The following PIEZO1 variants were observed in gnomAD, a reference collection of about 807,000 sequenced individuals.
The protein encoded by PIEZO1 is piezo type mechanosensitive ion channel component 1 (Er blood group).
PIEZO1 carries 296 observed loss-of-function variants against 297.2 expected under a neutral mutation model. The ratio of observed to expected loss-of-function variants is 1.00; its 90% CI spans 0.91 to 1.10. The LOEUF (loss-of-function observed/expected upper bound fraction) is 1.10, where lower values mean the gene tolerates loss of function less well. Among genes scored for constraint, PIEZO1 ranks in the 50% least tolerant of loss-of-function variants. The pLI, the probability that PIEZO1 is intolerant of heterozygous loss-of-function variation, is 0.00. For synonymous variants in PIEZO1, 2,427 were observed against 1,507.5 expected (o/e 1.61, Z -14.13); for missense variants, 5,018 against 3,455.5 (o/e 1.45, Z -11.34).
chr16:88,723,290 C>T lies in PIEZO1; in HGVS notation c.4374G>A (p.Val1458=), dbSNP rs922632863. The change falls in exon 32 of 51, where the codon GTG becomes GTA. Residue 1458 remains valine (V), a synonymous_variant. Transcript: ENST00000301015. ...CCTGCTCCTGCTGCCGCCGCCTCAGCACCGCCTGGGCGTTGGTCACCCATG... is the reference window on the plus strand; with the variant it reads ...CCTGCTCCTGCTGCCGCCGCCTCAGTACCGCCTGGGCGTTGGTCACCCATG... ...YQAWVTNAQA[V]LRRRQQEQEQ... is the part of the protein sequence containing the mutation. 10 of 1,540,704 alleles carry T rather than the reference C, an allele frequency of 6.5e-6. No homozygotes were observed. The Middle Eastern group carries it at 5.0e-4, about 77-fold the overall frequency.
chr16:88,738,434 G>C lies in PIEZO1; in HGVS notation c.641C>G (p.Ala214Gly). The C allele has an allele frequency of 6.5e-7, 1 of 1,535,680 alleles. No individual in the cohort carries two copies. The highest frequency in any genetic ancestry group is 2.4e-5 in the East Asian group (1 of 40,922). ...AVTLLALAGI[A>G]HPSALSSVYL... The stretch of plus-strand genomic sequence containing the variant: ...GACACTGGAGAGGGCCGAGGGGTGG[G>C]CGATGCCTGCGGGGCAGGGGCACAC... The change falls in exon 7 of 51, where the codon GCC becomes GGC. Residue 214 changes from alanine to glycine, a missense_variant. Coordinates refer to ENST00000301015, the MANE Select transcript of PIEZO1 (RefSeq NM_001142864.4).
Position 88,719,659 on chromosome 16 carries a change from G to A in PIEZO1, c.6386C>T (p.Thr2129Ile), listed in dbSNP as rs749561071. 3 of 1,553,944 alleles carry A rather than the reference G, an allele frequency of 1.9e-6. No individual in the cohort carries two copies. Among genetic ancestry groups the A allele is most frequent in the East Asian group, 2.4e-5 (1 of 41,114 alleles). ...RAVMDWVWTD[T>I]TLSLSSWMCV... ...CATCCAGCTGGACAGGGACAGCGTG[G>A]TGTCCGTCCACACCCAGTCCATCAC... The change falls in exon 44 of 51, where the codon ACC becomes ATC. Residue 2129 changes from threonine to isoleucine, a missense_variant. By Grantham distance (89) the Thr-to-Ile change is moderately conservative. Coordinates refer to ENST00000301015, the MANE Select transcript of PIEZO1 (RefSeq NM_001142864.4).
In PIEZO1 at chr16:88,716,294, G is replaced by GCAGGT; in HGVS notation, c.7050-22_7050-18dup. 1.3e-6 allele frequency: 2 copies of GCAGGT among 1,489,100 alleles called. No homozygotes were observed. The highest frequency in any genetic ancestry group is 1.8e-6 in the Non-Finnish European group (2 of 1,113,646). 92.2% of individuals were successfully genotyped at this position (1,489,100 alleles called of 1,614,324 possible). On this transcript the variant is annotated splice_polypyrimidine_tract_variant and intron_variant, in intron 48 of 50. Transcript: ENST00000301015. ...GGGATGACCCTGCAGGGAGGTGCTG[G>GCAGGT]CAGGTCAGGCCTGGCCCAGCCAACC...
At chr16:88,732,301 C>T (rs773733943) in intron 21 of PIEZO1, 34 bp downstream of exon 21, 2 of 1,525,582 alleles carry the variant, frequency 1.3e-6, no homozygotes, top group Non-Finnish European at 1.8e-6. Context: ...AAGGCCAAGC[C>T]CTGCCCCAGG....
intron 2 of PIEZO1, among the ~76,000 whole-genome samples, 157 bp downstream of exon 2, chr16:88,749,226 CG>C (rs1906253092): frequency 6.6e-6 from 1 of 151,336 alleles, no homozygotes; most frequent in Non-Finnish European, 1.5e-5. Flanking sequence ...GGCGACTGAG[CG>C]AGACTCCGTC....
At position 88,734,905 on chromosome 16, in the gene PIEZO1, G is replaced by T. The variant is rs1266448902; in HGVS notation, c.1818C>A (p.Phe606Leu). The part of the protein sequence containing the change: ...RLVVYKIVYM[F>L]LFLLCLTLFQ... ...AGAGGGTGAGGCAGAGCAGGAAGAGGAACATGTAGACAATCTTGTAGACCA... is the reference window on the plus strand; with the variant it reads ...AGAGGGTGAGGCAGAGCAGGAAGAGTAACATGTAGACAATCTTGTAGACCA... The change falls in exon 14 of 51, where the codon TTC (phenylalanine) becomes TTA (leucine). Residue 606 changes from phenylalanine (F) to leucine (L), a missense_variant. Phe to Leu is a conservative substitution (Grantham distance 22, BLOSUM62 0). Coordinates refer to ENST00000301015, the MANE Select transcript of PIEZO1 (RefSeq NM_001142864.4). The T allele has an allele frequency of 6.5e-7, 1 of 1,550,292 alleles. No homozygotes were observed. Among genetic ancestry groups the T allele is most frequent in the Non-Finnish European group, 8.7e-7 (1 of 1,146,986 alleles).
At position 88,741,117 on chromosome 16, in the gene PIEZO1, C is replaced by A. The variant is rs77362230; in HGVS notation, c.465+361G>T. 847 of 176,636 alleles carry A rather than the reference C, an allele frequency of 4.8e-3. 6 individuals carry two copies. Among genetic ancestry groups the A allele is most frequent in the African/African-American group, 0.019 (794 of 42,058 alleles). 10.9% of individuals were successfully genotyped at this position (176,636 alleles called of 1,614,324 possible). A position where few individuals can be genotyped will look rare whatever the true frequency, so the allele number is the denominator to read the frequency against. ...TGTAAGTGCATGGGGCCTGCTGGGG[C>A]CGCCCCTTCTCAGCCCTTCTGCAGT... is the stretch of plus-strand genomic sequence containing the variant. On this transcript the variant is annotated intron_variant, in intron 5 of 50. Transcript: ENST00000301015.
chr16:88,717,332 C>A, intron 44 of PIEZO1, 121 bp from the exon 45 acceptor site: 1 of 767,568 alleles, frequency 1.3e-6, no homozygotes, highest in Non-Finnish European at 2.2e-6. Flanking sequence ...TATGGCACAG[C>A]GGTAGTAATG....
rs866300595 is a variant in PIEZO1, at chr16:88,726,932, G to A, written c.3482C>T (p.Ala1161Val). The A allele has an allele frequency of 5.8e-6, 9 of 1,550,278 alleles. No individual in the cohort carries two copies. In the Admixed American group the frequency reaches 5.9e-5, roughly 10 times the overall value. Residue 1161 changes from alanine (A) to valine (V), a missense_variant, in exon 25 of 51, where the codon GCC becomes GTC. Coordinates refer to ENST00000301015, the MANE Select transcript of PIEZO1 (RefSeq NM_001142864.4). ...CAGCCAGAACAGGTATCGGAAGACG[G>A]CCACCTTCAGCATGTCAAGGTAGGA... ...CRSYLDMLKV[A>V]VFRYLFWLVL...
intron 2 of PIEZO1, chr16:88,743,921 C>G (rs1905866472): frequency 3.3e-6 from 1 of 301,270 alleles, no homozygotes; most frequent in South Asian, 2.7e-5. Flanking sequence ...GAAAACCGTC[C>G]AGGAAGGGAG....
chr16:88,779,758 C>A (rs1907843468), intron 1 of PIEZO1, among the ~76,000 whole-genome samples: 1 of 152,228 alleles, frequency 6.6e-6, no homozygotes, highest in African/African-American at 2.4e-5. Context: ...CCTGTGTGCT[C>A]CGGGACCAGG....
At chr16:88,743,933 C>A (rs1905867555) in intron 2 of PIEZO1, 2 of 294,764 alleles carry the variant, frequency 6.8e-6, no homozygotes, top group Non-Finnish European at 1.4e-5. Context: ...GGAAGGGAGG[C>A]TGCAGCCCCG....
chr16:88,731,852 A>G lies in PIEZO1; in HGVS notation c.3050T>C (p.Leu1017Pro), dbSNP rs969200104. Residue 1017 changes from leucine (L) to proline (P), a missense_variant, in exon 22 of 51, where the codon CTG becomes CCG. Coordinates refer to ENST00000301015, the MANE Select transcript of PIEZO1 (RefSeq NM_001142864.4). ...IGQRMNFLVT[L>P]HGCWLVAILT... ...GATGGCCACCAGCCAGCAACCGTGC[A>G]GGGTCACCAGAAAGTTCATGCGCTG... 4.2e-5 allele frequency: 45 copies of G among 1,083,664 alleles called. No homozygotes were observed. The East Asian group carries it at 3.6e-3, about 87-fold the overall frequency. 67.1% of individuals were successfully genotyped at this position (1,083,664 alleles called of 1,614,324 possible). A position where few individuals can be genotyped will look rare whatever the true frequency, so the allele number is the denominator to read the frequency against.
chr16:88,717,210 T>C lies in PIEZO1; in HGVS notation c.6473A>G (p.Lys2158Arg), dbSNP rs200506892. 649 of 1,548,386 alleles carry C rather than the reference T, an allele frequency of 4.2e-4. 1 individual carries two copies. The highest frequency in any genetic ancestry group is 5.4e-4 in the Non-Finnish European group (620 of 1,146,890). The change falls in exon 45 of 51, where the codon AAA becomes AGA. Residue 2158 changes from lysine (K) to arginine (R), a missense_variant and splice_region_variant. Coordinates refer to ENST00000301015, the MANE Select transcript of PIEZO1 (RefSeq NM_001142864.4). ...IIKCSRETEK[K>R]YPQPKGQKKK... ...CTTCTGCCCTTTGGGCTGCGGGTATTTCTGGAGGGGAACGACACAGGTCAT... is the reference window on the plus strand; with the variant it reads ...CTTCTGCCCTTTGGGCTGCGGGTATCTCTGGAGGGGAACGACACAGGTCAT...
rs577842709 is a variant in PIEZO1, at chr16:88,764,452, C to T, written c.65-14973G>A. On this transcript the variant is annotated intron_variant, in intron 1 of 50. Coordinates refer to ENST00000301015, the MANE Select transcript of PIEZO1 (RefSeq NM_001142864.4). ...ACGTGCTCTCCAGGCAGAGATCACG[C>T]GTCGACATTCCCCTGCCAGGCCGGG... 5.9e-5 allele frequency among the ~76,000 whole-genome samples: 9 copies of T among 152,190 alleles called. No homozygotes were observed. In the South Asian group the frequency reaches 1.5e-3, roughly 25 times the overall value.
At chr16:88,725,845 C>T (rs767885734) in intron 27 of PIEZO1, 161 bp from the exon 28 acceptor site, 17 of 615,014 alleles carry the variant, frequency 2.8e-5, no homozygotes, top group Non-Finnish European at 3.8e-5. Flanking sequence ...CCCCACCCTC[C>T]GTGCTGTCTG....
chr16:88,717,978 G>A, intron 44 of PIEZO1: 1 of 338,834 alleles, frequency 3.0e-6, no homozygotes, highest in East Asian at 8.2e-5. Context: ...AGCTACTCGG[G>A]AGGCTGAGGT....
At chr16:88,732,289 C>T (rs375531314) in intron 21 of PIEZO1, 46 bp downstream of exon 21, 156 of 1,503,358 alleles carry the variant, frequency 1.0e-4, no homozygotes, top group Non-Finnish European at 1.3e-4. Context: ...CCCTCCCTCC[C>T]GAAGGCCAAG....
Position 88,735,027 on chromosome 16 carries a change from G to C in PIEZO1, c.1696C>G (p.Gln566Glu), listed in dbSNP as rs890133100. The change falls in exon 14 of 51, where the codon CAG becomes GAG. Residue 566 changes from glutamine (Q) to glutamate (E), a missense_variant. Transcript: ENST00000301015. ...TEPTRTQTLL[Q>E]SLGELVKGVY... ...CCCTTCACCAGCTCCCCCAGGCTCT[G>C]CAACAGCGTCTGCGTCCGCGTGGGC... is the stretch of plus-strand genomic sequence containing the variant. 7 of 1,550,358 alleles carry C rather than the reference G, an allele frequency of 4.5e-6. No homozygotes were observed. In the African/African-American group the frequency reaches 6.8e-5, roughly 15 times the overall value.
Sources: gnomAD v4.1 joint callset for allele counts (sites outside exome capture counted in the v4.1 genomes callset) on GRCh38, gnomAD v4.1.1 for gene constraint, MANE v1.5 for transcripts, NCBI Gene and HGNC (gene_info 2026-07-23, HGNC 2026-07-21) for gene names.